The following DERPC variants were observed in gnomAD, a reference collection of about 807,000 sequenced individuals.
DERPC encodes the protein DERPC proline and glycine rich nuclear protein, also known as decreased expression in renal and prostate cancer protein.
DERPC carries 1 observed loss-of-function variant against 7.2 expected under a neutral mutation model. The observed-to-expected ratio is 0.14, with a 90% confidence interval of 0.05 to 0.66. DERPC has a LOEUF of 0.66. Among genes scored for constraint, DERPC ranks in the 30% least tolerant of loss-of-function variants. The pLI, the probability that DERPC is intolerant of heterozygous loss-of-function variation, is 0.84. For missense variants in DERPC, 502 were observed against 299.4 expected (o/e 1.68, Z -4.99); for synonymous variants, 185 against 117.6 (o/e 1.57, Z -3.71).
At position 69,119,996 on chromosome 16, in the gene DERPC, G is replaced by C; in HGVS notation, c.433C>G (p.Pro145Ala). The C allele has an allele frequency of 1.4e-6, 1 of 695,422 alleles. No individual in the cohort carries two copies. Among genetic ancestry groups the C allele is most frequent in the Non-Finnish European group, 2.6e-6 (1 of 379,886 alleles). The allele number at this position is 695,422 out of a possible 1,614,324, so 43.1% of individuals were successfully genotyped here. ...ALPGPGPLSN[P>A]RLGGLPGPGP... is the part of the protein sequence containing the mutation. ...GGTCCTGGGAGACCCCCTAACCTGG[G>C]GTTAGACAGAGGCCCTGGGCCTGGC... Residue 145 changes from proline to alanine, a missense_variant, in exon 3 of 3, where the codon CCC becomes GCC. By Grantham distance (27) the Pro-to-Ala change is conservative. Coordinates refer to ENST00000519520, the MANE Select transcript of DERPC (RefSeq NM_001002847.4).
At position 69,120,329 on chromosome 16, in the gene DERPC, C is replaced by T. The variant is rs1567588185; in HGVS notation, c.100G>A (p.Gly34Arg). 2.5e-6 allele frequency: 3 copies of T among 1,210,574 alleles called. No homozygotes were observed. The Admixed American group carries it at 5.4e-5, about 22-fold the overall frequency. The allele number at this position is 1,210,574 out of a possible 1,614,324, so 75.0% of individuals were successfully genotyped here. The change falls in exon 3 of 3, where the codon GGG (glycine) becomes AGG (arginine). Residue 34 changes from glycine (G) to arginine (R), a missense_variant. Physicochemically the swap from Gly to Arg is moderately radical, Grantham distance 125. Coordinates refer to ENST00000519520, the MANE Select transcript of DERPC (RefSeq NM_001002847.4). This position sits in a 1 kb window ranked among gnomAD's most constrained non-coding sequence, Gnocchi z 4.0. ...TGGCCTGTGTTCAGAACAGGACCCCCCTGTGGTCCCAGGGAACCGTCGAGC... is the reference window on the plus strand; with the variant it reads ...TGGCCTGTGTTCAGAACAGGACCCCTCTGTGGTCCCAGGGAACCGTCGAGC... ...GRLDGSLGPQ[G>R]GPVLNTGHPL...
Position 69,119,014 on chromosome 16 carries a change from C to T in DERPC, c.1415G>A (p.Gly472Asp), listed in dbSNP as rs529513152. Residue 472 changes from glycine to aspartate, a missense_variant, in exon 3 of 3, where the codon GGT (glycine) becomes GAT (aspartate). Coordinates refer to ENST00000519520, the MANE Select transcript of DERPC (RefSeq NM_001002847.4). ...APFTRPTGTL[G>D]LNPASFPRMN... is the part of the protein sequence containing the mutation. ...CCTTGGAAAGGAAGCTGGGTTGAGA[C>T]CCAGGGTCCCAGTTGGCCTTGTGAA... 9.5e-5 allele frequency: 67 copies of T among 702,952 alleles called. No homozygotes were observed. Among genetic ancestry groups the T allele is most frequent in the Non-Finnish European group, 1.5e-4 (58 of 385,034 alleles). The allele number at this position is 702,952 out of a possible 1,614,324, so 43.5% of individuals were successfully genotyped here. A position where few individuals can be genotyped will look rare whatever the true frequency, so the allele number is the denominator to read the frequency against.
In DERPC at chr16:69,121,476, AAAGC is replaced by A. The variant is rs138743702; in HGVS notation, c.-266_-263del. The A allele has an allele frequency of 1.9e-6, 3 of 1,596,910 alleles. No individual in the cohort carries two copies. In the African/African-American group the frequency reaches 4.1e-5, roughly 22 times the overall value. ...TGCACCATGAGCTTTCTGTCTTTAA[AAAGC>A]AAGTGAAAACAAGCTGTAGAGAGAA... On this transcript the variant is annotated 5_prime_UTR_variant, in exon 2 of 3. Transcript: ENST00000519520.
chr16:69,130,972 G>A (rs959220462), intron 1 of DERPC, among the ~76,000 whole-genome samples: 1 of 152,114 alleles, frequency 6.6e-6, no homozygotes, highest in Non-Finnish European at 1.5e-5. Context: ...TCTACCAAGT[G>A]AACAACTCAG....
rs538226448 is a variant in DERPC, at chr16:69,129,726, C to A, written c.-280+2758G>T. Among the ~76,000 whole-genome samples, 3 of 152,282 alleles carry A rather than the reference C, an allele frequency of 2.0e-5. No individual in the cohort carries two copies. The South Asian group carries it at 6.2e-4, about 32-fold the overall frequency. ...TCTTGCAGTTCTCCTCACACAGCCC[C>A]CTCCTGTAAAGCACCTCTGTATGAT... On this transcript the variant is annotated intron_variant, in intron 1 of 2. Coordinates refer to ENST00000519520, the MANE Select transcript of DERPC (RefSeq NM_001002847.4).
rs572771739 is a variant in DERPC, at chr16:69,118,210, G to C, written c.*644C>G. The C allele has an allele frequency of 1.6e-6, 1 of 625,662 alleles. No individual in the cohort carries two copies. The highest frequency in any genetic ancestry group is 1.8e-5 in the African/African-American group (1 of 54,094). 38.8% of individuals were successfully genotyped at this position (625,662 alleles called of 1,614,324 possible). A position where few individuals can be genotyped will look rare whatever the true frequency, so the allele number is the denominator to read the frequency against. On this transcript the variant is annotated 3_prime_UTR_variant, in exon 3 of 3. Transcript: ENST00000519520. The stretch of plus-strand genomic sequence containing the variant: ...ATTGATTGGGAGTACCAGTGAAGAG[G>C]GAGTTGGATGAGTAGAGGGGCCTTA...
Position 69,119,443 on chromosome 16 carries a change from G to A in DERPC, c.986C>T (p.Pro329Leu). The change falls in exon 3 of 3, where the codon CCA (proline) becomes CTA (leucine). Residue 329 changes from proline to leucine, a missense_variant. Pro to Leu is a moderately conservative substitution (Grantham distance 98, BLOSUM62 -3). Transcript: ENST00000519520. ...PSSRGIGLPG[P>L]NPSPMSRAPG... ...AGCCCTTGACATGGGAGATGGATTT[G>A]GCCCTGGAAGGCCAATTCCCCGAGA... 1 of 702,976 alleles carries A rather than the reference G, an allele frequency of 1.4e-6. No individual in the cohort carries two copies. The highest frequency in any genetic ancestry group is 2.6e-6 in the Non-Finnish European group (1 of 385,008). 43.5% of individuals were successfully genotyped at this position (702,976 alleles called of 1,614,324 possible).
intron 1 of DERPC, among the ~76,000 whole-genome samples, chr16:69,130,712 G>A (rs112929022): frequency 1.2e-4 from 18 of 152,316 alleles, no homozygotes; most frequent in African/African-American, 3.8e-4. Flanking sequence ...TCAAGCTATC[G>A]ATTTCCCAGA....
chr16:69,128,070 G>A (rs958369470), intron 1 of DERPC, among the ~76,000 whole-genome samples: 16 of 151,946 alleles, frequency 1.1e-4, no homozygotes, highest in South Asian at 2.1e-4. Context: ...ACCTGCCACC[G>A]CGCCTTGCTG....
At chr16:69,121,321 A>T in intron 2 of DERPC, 115 bp downstream of exon 2, 2 of 1,217,556 alleles carry the variant, frequency 1.6e-6, no homozygotes, top group Non-Finnish European at 2.3e-6. Context: ...TAGAGATCAG[A>T]ATGCAAGGAT....
intron 1 of DERPC, among the ~76,000 whole-genome samples, chr16:69,129,339 A>T (rs1196766300): frequency 1.3e-5 from 2 of 148,160 alleles, no homozygotes; most frequent in East Asian, 4.2e-4. Flanking sequence ...CTGAGGCAGG[A>T]GAATGGCGTG....
chr16:69,128,037 C>T (rs1190669974), intron 1 of DERPC, among the ~76,000 whole-genome samples: 4 of 152,154 alleles, frequency 2.6e-5, no homozygotes, highest in Non-Finnish European at 5.9e-5. Context: ...GCCTCAGCCT[C>T]CCGAGTAACT....
At chr16:69,122,080 C>A (rs1390162588) in intron 1 of DERPC, among the ~76,000 whole-genome samples, 1 of 152,174 alleles carries the variant, frequency 6.6e-6, no homozygotes, top group African/African-American at 2.4e-5. Context: ...GCCACCATGC[C>A]TGGCCGACAA....
At chr16:69,124,619 C>T (rs931743871) in intron 1 of DERPC, among the ~76,000 whole-genome samples, 16 of 151,844 alleles carry the variant, frequency 1.1e-4, no homozygotes, top group African/African-American at 3.9e-4. Context: ...AGGTGATCCA[C>T]CCGCCTCAGC....
intron 1 of DERPC, chr16:69,132,036 A>G (rs1196738513): frequency 6.5e-6 from 1 of 153,058 alleles, no homozygotes; most frequent in East Asian, 2.0e-4. Context: ...TCCCGCAAGC[A>G]TAGCGGGCTG....
At chr16:69,124,346 C>A (rs999206498) in intron 1 of DERPC, among the ~76,000 whole-genome samples, 1 of 152,102 alleles carries the variant, frequency 6.6e-6, no homozygotes, top group Non-Finnish European at 1.5e-5. Flanking sequence ...CAATGTTTAC[C>A]ACCTGTAGTA....
Position 69,121,421 on chromosome 16 carries a change from T to G in DERPC, c.-222+15A>C. On this transcript the variant is annotated intron_variant, in intron 2 of 2. Transcript: ENST00000519520. The stretch of plus-strand genomic sequence containing the variant: ...TCATTTCAAGCCAAATTTTAAAATC[T>G]CAAAATGTACTTACCTGGAAATAAC... The G allele has an allele frequency of 6.3e-7, 1 of 1,599,084 alleles. No homozygotes were observed. Among genetic ancestry groups the G allele is most frequent in the Non-Finnish European group, 8.5e-7 (1 of 1,175,374 alleles).
In DERPC at chr16:69,118,428, CCGTTCACCAACGCCA is replaced by C; in HGVS notation, c.*411_*425del. 1 of 1,612,634 alleles carries C rather than the reference CCGTTCACCAACGCCA, an allele frequency of 6.2e-7. No individual in the cohort carries two copies. The highest frequency in any genetic ancestry group is 8.5e-7 in the Non-Finnish European group (1 of 1,178,626). ...CAGGTCAGAGCTACGGAAGCATGGTCCGTTCACCAACGCCACGTTTCTAGAGAGCAGTGAGCTGAT... is the reference window on the plus strand; with the variant it reads ...CAGGTCAGAGCTACGGAAGCATGGTCCGTTTCTAGAGAGCAGTGAGCTGAT... On this transcript the variant is annotated 3_prime_UTR_variant, in exon 3 of 3. Coordinates refer to ENST00000519520, the MANE Select transcript of DERPC (RefSeq NM_001002847.4).
rs1329673587 is a variant in DERPC, at chr16:69,119,594, G to C, written c.835C>G (p.Leu279Val). The part of the protein sequence containing the change: ...GPQGLDLAPI[L>V]RAAGLLGANS... ...GCTCCTAAAAGACCTGCTGCTCTTA[G>C]AATGGGGGCAAGATCGAGGCCTTGA... The change falls in exon 3 of 3, where the codon CTA becomes GTA. Residue 279 changes from leucine (L) to valine (V), a missense_variant. Transcript: ENST00000519520. 8.6e-6 allele frequency: 6 copies of C among 701,492 alleles called. No homozygotes were observed. The South Asian group carries it at 8.9e-5, about 10-fold the overall frequency. 43.5% of individuals were successfully genotyped at this position (701,492 alleles called of 1,614,324 possible). A position where few individuals can be genotyped will look rare whatever the true frequency, so the allele number is the denominator to read the frequency against.
Sources: allele counts gnomAD v4.1 joint callset (sites outside exome capture counted in the v4.1 genomes callset), GRCh38; gene constraint gnomAD v4.1.1; non-coding constraint Gnocchi (gnomAD v3.1); transcripts MANE v1.5; gene names NCBI Gene and HGNC (gene_info 2026-07-23, HGNC 2026-07-21).